The following SLC39A9 variants were observed in gnomAD, a reference collection of about 807,000 sequenced individuals.
SLC39A9 encodes zinc transporter ZIP9.
Under a neutral mutation model 28.4 loss-of-function variants are expected in SLC39A9, and 14 were observed. That is an observed-to-expected ratio of 0.49 (90% CI 0.33 to 0.77). The LOEUF (loss-of-function observed/expected upper bound fraction) is 0.77. Ranked by LOEUF, SLC39A9 falls within the 30% of genes least tolerant of loss-of-function variation. The pLI, the probability that SLC39A9 is intolerant of heterozygous loss-of-function variation, is 0.02. For missense variants in SLC39A9, 283 were observed against 381.1 expected (o/e 0.74, Z 2.14); for synonymous variants, 119 against 149.6 (o/e 0.80, Z 1.49).
At position 69,461,607 on chromosome 14, in the gene SLC39A9, C is replaced by T; in HGVS notation, c.*3014C>T. The T allele has an allele frequency of 6.6e-7, 1 of 1,526,654 alleles. No homozygotes were observed. Among genetic ancestry groups the T allele is most frequent in the Non-Finnish European group, 8.8e-7 (1 of 1,142,572 alleles). The allele number at this position is 1,526,654 out of a possible 1,614,324, so 94.6% of individuals were successfully genotyped here. On this transcript the variant is annotated 3_prime_UTR_variant, in exon 7 of 7. Transcript: ENST00000336643. ...AAGGGAGTGGCTGTTTTGAGTTGTC[C>T]TTTCTTTGCAGAAAGGAGAAAATGT...
chr14:69,406,457 C>T (rs188144910), intron 1 of SLC39A9, among the ~76,000 whole-genome samples: 3 of 152,234 alleles, frequency 2.0e-5, no homozygotes, highest in Admixed American at 1.3e-4. Flanking sequence ...ATAGTCTTAA[C>T]CTCTCCTCTA....
At chr14:69,442,035 A>G in intron 2 of SLC39A9, 34 bp from the exon 3 acceptor site, 1 of 1,593,404 alleles carries the variant, frequency 6.3e-7, no homozygotes. Flanking sequence ...TAGGGGAAAA[A>G]CATATTTTCT....
chr14:69,433,628 C>T (rs977477820), intron 2 of SLC39A9, among the ~76,000 whole-genome samples: 3 of 152,146 alleles, frequency 2.0e-5, no homozygotes, highest in African/African-American at 7.2e-5. Flanking sequence ...AGATATAGGA[C>T]TGTTCAAGTT....
chr14:69,430,440 A>G (rs1489714045), intron 2 of SLC39A9, among the ~76,000 whole-genome samples: 1 of 152,026 alleles, frequency 6.6e-6, no homozygotes, highest in East Asian at 1.9e-4. Context: ...TCCCTTCTCT[A>G]TTGAATTATC....
In SLC39A9 at chr14:69,460,460, C is replaced by T. The variant is rs1194030548; in HGVS notation, c.*1867C>T. ...ATGTTAACAGCTGACTGGTGTGAGACTTGAGGTTTCATCTAGTCCTTCAAA... is the reference window on the plus strand; with the variant it reads ...ATGTTAACAGCTGACTGGTGTGAGATTTGAGGTTTCATCTAGTCCTTCAAA... On this transcript the variant is annotated 3_prime_UTR_variant, in exon 7 of 7. Coordinates refer to ENST00000336643, the MANE Select transcript of SLC39A9 (RefSeq NM_018375.5). The T allele has an allele frequency of 2.0e-6, 2 of 985,314 alleles. No homozygotes were observed. The highest frequency in any genetic ancestry group is 3.5e-5 in the African/African-American group (2 of 57,232). 61.0% of individuals were successfully genotyped at this position (985,314 alleles called of 1,614,324 possible). A position where few individuals can be genotyped will look rare whatever the true frequency, so the allele number is the denominator to read the frequency against.
At chr14:69,413,423 G>A (rs1358024924) in intron 1 of SLC39A9, among the ~76,000 whole-genome samples, 1 of 151,762 alleles carries the variant, frequency 6.6e-6, no homozygotes, top group Non-Finnish European at 1.5e-5. Flanking sequence ...TGCCATGTAA[G>A]GACACTAAAA....
intron 1 of SLC39A9, 92 bp downstream of exon 1, chr14:69,399,557 C>G (rs535592053): frequency 2.1e-6 from 2 of 949,240 alleles, no homozygotes; most frequent in Non-Finnish European, 3.3e-6. Flanking sequence ...AGTTAAATCT[C>G]AAAGCTGAAG....
Position 69,459,708 on chromosome 14 carries a change from G to A in SLC39A9, c.*1115G>A. The A allele has an allele frequency of 2.0e-6, 2 of 985,006 alleles. No homozygotes were observed. The highest frequency in any genetic ancestry group is 2.4e-6 in the Non-Finnish European group (2 of 829,676). 61.0% of individuals were successfully genotyped at this position (985,006 alleles called of 1,614,324 possible). On this transcript the variant is annotated 3_prime_UTR_variant, in exon 7 of 7. Transcript: ENST00000336643. ...AGAAGTGTTTGCCTATTGATTTAAA[G>A]CTTATTGGAATCATGTCTCTTGTCT...
chr14:69,454,355 C>T (rs772370654), intron 4 of SLC39A9, among the ~76,000 whole-genome samples: 33 of 152,154 alleles, frequency 2.2e-4, no homozygotes, highest in Non-Finnish European at 4.6e-4. Context: ...TTGCAAGCTC[C>T]ACCTCCCGGG....
chr14:69,406,914 G>T (rs1762708823), intron 1 of SLC39A9, among the ~76,000 whole-genome samples: 1 of 135,580 alleles, frequency 7.4e-6, no homozygotes, highest in Admixed American at 7.8e-5. Context: ...GCAGTGGCGT[G>T]ATCTCAGCTC....
intron 3 of SLC39A9, among the ~76,000 whole-genome samples, chr14:69,449,863 G>A (rs978818001): frequency 5.3e-5 from 8 of 151,896 alleles, no homozygotes; most frequent in Non-Finnish European, 8.8e-5. Context: ...GTGTGTGTGT[G>A]TATACACATG....
rs548566867 is a variant in SLC39A9, at chr14:69,404,093, C to A, written c.96+4628C>A. On this transcript the variant is annotated intron_variant, in intron 1 of 6. Transcript: ENST00000336643. ...AAAACAGCAAAACTGGATGTAGTGG[C>A]ACACACTGGTTAGTCCCAGCTACTC... 2.6e-5 allele frequency among the ~76,000 whole-genome samples: 4 copies of A among 152,214 alleles called. No homozygotes were observed. The South Asian group carries it at 8.3e-4, about 32-fold the overall frequency.
chr14:69,431,131 G>T (rs57521982), intron 2 of SLC39A9, among the ~76,000 whole-genome samples: 1,752 of 152,144 alleles, frequency 0.012, 34 homozygotes, highest in African/African-American at 0.039. Flanking sequence ...CATTTATTTA[G>T]ATCTTCTTTG....
At chr14:69,441,366 C>T (rs954706004) in intron 2 of SLC39A9, among the ~76,000 whole-genome samples, 8 of 152,126 alleles carry the variant, frequency 5.3e-5, no homozygotes, top group African/African-American at 1.9e-4. Flanking sequence ...TGAAATATAG[C>T]AAAGATAAGC....
intron 1 of SLC39A9, among the ~76,000 whole-genome samples, chr14:69,403,395 CTGAG>C (rs1882742432): frequency 6.6e-6 from 1 of 152,120 alleles, no homozygotes; most frequent in Non-Finnish European, 1.5e-5. Context: ...TGTTACTCAC[CTGAG>C]TATGTCTCCT....
chr14:69,445,330 A>T (rs1294271945), intron 3 of SLC39A9, among the ~76,000 whole-genome samples: 1 of 152,108 alleles, frequency 6.6e-6, no homozygotes, highest in Non-Finnish European at 1.5e-5. Context: ...AGCCTACTCA[A>T]TGTGAAGATG....
chr14:69,410,799 T>C (rs1007125907), intron 1 of SLC39A9, among the ~76,000 whole-genome samples: 4 of 152,192 alleles, frequency 2.6e-5, no homozygotes, highest in Non-Finnish European at 5.9e-5. Flanking sequence ...AAGGGATCAA[T>C]CTTATGATAA....
chr14:69,425,381 C>T (rs1439185711), intron 2 of SLC39A9, among the ~76,000 whole-genome samples: 5 of 152,256 alleles, frequency 3.3e-5, no homozygotes, highest in African/African-American at 1.2e-4. Context: ...ACTATCCTAA[C>T]ATTTGTCCTT....
At chr14:69,426,842 T>G (rs1334140216) in intron 2 of SLC39A9, among the ~76,000 whole-genome samples, 3 of 151,882 alleles carry the variant, frequency 2.0e-5, no homozygotes, top group Non-Finnish European at 4.4e-5. Flanking sequence ...CACATAACGT[T>G]TGTGTGTGTG....
Sources: gnomAD v4.1 joint callset for allele counts (sites outside exome capture counted in the v4.1 genomes callset) on GRCh38, gnomAD v4.1.1 for gene constraint, MANE v1.5 for transcripts, NCBI Gene and HGNC (gene_info 2026-07-23, HGNC 2026-07-21) for gene names.